Variants in SCN10A observed in about 807,000 individuals in gnomAD.
The protein encoded by SCN10A is sodium voltage-gated channel alpha subunit 10.
A neutral mutation model predicts 170.7 loss-of-function variants in SCN10A; 162 were observed. The ratio of observed to expected loss-of-function variants is 0.95; its 90% CI spans 0.84 to 1.08. The LOEUF (loss-of-function observed/expected upper bound fraction) is 1.08. Among genes scored for constraint, SCN10A ranks in the 50% least tolerant of loss-of-function variants. SCN10A has a pLI of 0.00. For missense variants in SCN10A, 2,527 were observed against 2,436.9 expected, an observed-to-expected ratio of 1.04 and a Z score of -0.78; for synonymous variants, 985 against 904.6, an observed-to-expected ratio of 1.09 and a Z score of -1.59.
intron 25 of SCN10A, 110 bp from the exon 26 acceptor site, chr3:38,707,493 GATAGACAAACCAAGCCCAGC>G: frequency 9.1e-7 from 1 of 1,098,634 alleles, no homozygotes; most frequent in Non-Finnish European, 1.3e-6. Flanking sequence ...CTCCTCTGCA[GATAGACAAACCAAGCCCAGC>G]ATCAAGGAGT....
intron 1 of SCN10A, among the ~76,000 whole-genome samples, chr3:38,798,802 T>TTTC: frequency 6.8e-6 from 1 of 148,134 alleles, no homozygotes; most frequent in Non-Finnish European, 1.5e-5. Flanking sequence ...TTTTTTTTTT[T>TTTC]TTTTTGAGAC....
In SCN10A at chr3:38,757,032, G is replaced by C. The variant is rs773808340; in HGVS notation, c.1078C>G (p.Arg360Gly). The C allele has an allele frequency of 1.9e-6, 3 of 1,611,048 alleles. No individual in the cohort carries two copies. Among genetic ancestry groups the C allele is most frequent in the Non-Finnish European group, 2.5e-6 (3 of 1,178,600 alleles). The part of the protein sequence containing the change: ...FRLMTQDSWE[R>G]LYQQTLRTSG... The stretch of plus-strand genomic sequence containing the variant: ...CAGCTCAGTACCTGCTGGTAGAGGC[G>C]TTCCCAGGAATCCTGTGTCATGAGG... Residue 360 changes from arginine to glycine, a missense_variant, in exon 9 of 28, where the codon CGC becomes GGC. By Grantham distance (125) the Arg-to-Gly change is moderately radical. Transcript: ENST00000449082.
intron 20 of SCN10A, among the ~76,000 whole-genome samples, chr3:38,721,597 C>T (rs1460488801): frequency 2.0e-5 from 3 of 152,172 alleles, no homozygotes; most frequent in Admixed American, 2.0e-4. Flanking sequence ...AATCTCTATT[C>T]CCATAAGGCC....
chr3:38,755,068 A>G (rs2063789025), intron 11 of SCN10A, among the ~76,000 whole-genome samples: 2 of 152,120 alleles, frequency 1.3e-5, no homozygotes, highest in South Asian at 2.1e-4. Context: ...ATGGGGGGAA[A>G]AGAATTGCTA....
intron 26 of SCN10A, 97 bp from the exon 27 acceptor site, chr3:38,702,206 A>G (rs1380623035): frequency 8.5e-6 from 11 of 1,299,312 alleles, no homozygotes; most frequent in Admixed American, 2.6e-5. Flanking sequence ...ATCACACTCC[A>G]CATCTTAACA....
In SCN10A at chr3:38,791,961, G is replaced by C. The variant is rs538890121; in HGVS notation, c.389+89C>G. 2.3e-5 allele frequency: 34 copies of C among 1,493,400 alleles called. No homozygotes were observed. In the Admixed American group the frequency reaches 6.9e-4, roughly 30 times the overall value. The allele number at this position is 1,493,400 out of a possible 1,614,324, so 92.5% of individuals were successfully genotyped here. Reference sequence around the variant, plus strand: ...ACTTTTGGGATTCAATTGGATAAGGGCTCTGTTGCTAACCTCTAAAGAAGG... The same window carrying C: ...ACTTTTGGGATTCAATTGGATAAGGCCTCTGTTGCTAACCTCTAAAGAAGG... On this transcript the variant is annotated intron_variant, in intron 3 of 27. Transcript: ENST00000449082.
chr3:38,809,370 G>A (rs543951754), intron 1 of SCN10A, among the ~76,000 whole-genome samples: 3 of 152,334 alleles, frequency 2.0e-5, no homozygotes, highest in South Asian at 4.1e-4. Flanking sequence ...ATGGCCTTGA[G>A]TTTTTAAGAT....
chr3:38,805,960 G>A (rs942396953), intron 1 of SCN10A, among the ~76,000 whole-genome samples: 2 of 152,176 alleles, frequency 1.3e-5, no homozygotes, highest in Admixed American at 1.3e-4. Flanking sequence ...GCTATCCATG[G>A]TTCTGAAATA....
chr3:38,739,799 TG>T (rs2063611940), intron 14 of SCN10A, 111 bp from the exon 15 acceptor site: 1 of 897,230 alleles, frequency 1.1e-6, no homozygotes, highest in African/African-American at 1.7e-5. Flanking sequence ...CCTTTTGTTT[TG>T]TTCAGTTGCT....
intron 27 of SCN10A, among the ~76,000 whole-genome samples, chr3:38,701,356 C>A (rs925206848): frequency 1.3e-5 from 2 of 152,082 alleles, no homozygotes; most frequent in Admixed American, 6.5e-5. Flanking sequence ...AATTCCAGAC[C>A]CTAGACTTGA....
chr3:38,709,061 A>C (rs1297140596), intron 25 of SCN10A, among the ~76,000 whole-genome samples: 6 of 152,128 alleles, frequency 3.9e-5, no homozygotes, highest in Non-Finnish European at 8.8e-5. Context: ...TCCCCATCCC[A>C]AGGAGGGTTG....
In SCN10A at chr3:38,752,313, A is replaced by G. The variant is rs138404783; in HGVS notation, c.1661T>C (p.Leu554Pro). The G allele has an allele frequency of 6.0e-5, 96 of 1,610,974 alleles. No homozygotes were observed. The highest frequency in any genetic ancestry group is 2.7e-4 in the Admixed American group (16 of 59,604). ...GGAGTCAGGGTTGCTGGGTTGAGGA[A>G]GAGGGCTTCTAGGGAGGGGGCCTTG... is the stretch of plus-strand genomic sequence containing the variant. ...GQQGPLPRSP[L>P]PQPSNPDSRH... The change falls in exon 12 of 28, where the codon CTT becomes CCT. Residue 554 changes from leucine (L) to proline (P), a missense_variant. Transcript: ENST00000449082.
intron 4 of SCN10A, among the ~76,000 whole-genome samples, chr3:38,785,354 CA>C (rs1373694214): frequency 6.6e-6 from 1 of 152,124 alleles, no homozygotes. Flanking sequence ...TGATCTTTGA[CA>C]AACTTGACAA....
intron 20 of SCN10A, among the ~76,000 whole-genome samples, chr3:38,721,637 C>T (rs1462289867): frequency 2.0e-5 from 3 of 152,156 alleles, no homozygotes; most frequent in Non-Finnish European, 4.4e-5. Context: ...TCACTGAGGG[C>T]AGTGCAAGCA....
intron 21 of SCN10A, among the ~76,000 whole-genome samples, chr3:38,714,528 G>A (rs1400318012): frequency 1.3e-5 from 2 of 152,218 alleles, no homozygotes; most frequent in African/African-American, 2.4e-5. Flanking sequence ...GAGAAGTGGG[G>A]TGGAAAGAAT....
At chr3:38,737,020 G>A (rs1215321018) in intron 15 of SCN10A, among the ~76,000 whole-genome samples, 1 of 125,458 alleles carries the variant, frequency 8.0e-6, no homozygotes, top group Middle Eastern at 4.8e-3. Context: ...GCCCAGGCCG[G>A]ATTGCAGTGG....
rs552926060 is a variant in SCN10A at position 38,703,801 on chromosome 3, A to T, written c.4387-1692T>A. ...TTTATCCAGCCAGGAATTAACATAT[A>T]TGTGCAACTTTTGGCCAACTGTTTG... On this transcript the variant is annotated intron_variant, in intron 26 of 27. Transcript: ENST00000449082. Among the ~76,000 whole-genome samples, 13 of 152,260 alleles carry T rather than the reference A, an allele frequency of 8.5e-5. No individual in the cohort carries two copies. In the South Asian group the frequency reaches 1.0e-3, roughly 12 times the overall value.
At chr3:38,709,833 C>G (rs1055806734) in intron 24 of SCN10A, among the ~76,000 whole-genome samples, 1 of 152,180 alleles carries the variant, frequency 6.6e-6, no homozygotes, top group Non-Finnish European at 1.5e-5. Context: ...GCAACTGAAG[C>G]GCAATCCTAC....
intron 25 of SCN10A, among the ~76,000 whole-genome samples, chr3:38,708,624 C>T (rs1197010083): frequency 6.6e-6 from 1 of 152,164 alleles, no homozygotes; most frequent in African/African-American, 2.4e-5. Flanking sequence ...TGTTACAGTG[C>T]CAGAAACTGC....
Sources: gnomAD v4.1 joint callset for allele counts (sites outside exome capture counted in the v4.1 genomes callset) on GRCh38, gnomAD v4.1.1 for gene constraint, MANE v1.5 for transcripts, NCBI Gene and HGNC (gene_info 2026-07-23, HGNC 2026-07-21) for gene names.